Variants in SDHA observed in about 807,000 individuals in gnomAD.
SDHA encodes succinate dehydrogenase complex flavoprotein subunit A.
A neutral mutation model predicts 78.4 loss-of-function variants in SDHA; 48 were observed. The observed-to-expected ratio is 0.61, with a 90% CI of 0.49 to 0.78. The LOEUF (loss-of-function observed/expected upper bound fraction) is 0.78, where lower values mean the gene tolerates loss of function less well. Ranked by LOEUF, SDHA falls within the 30% of genes least tolerant of loss-of-function variation. The pLI is 0.00. For missense variants in SDHA, 680 were observed against 892.7 expected (o/e 0.76, Z 3.04); for synonymous variants, 326 against 353.9 (o/e 0.92, Z 0.88).
At position 247,555 on chromosome 5, in the gene SDHA, A is replaced by G. The variant is rs565831451; in HGVS notation, c.1552-3437A>G. ...ATTATCCAGCGATGCCCAACTTGCC[A>G]AATGGTACATTCCTCATCTTTTACA... On this transcript the variant is annotated intron_variant, in intron 11 of 14. Coordinates refer to ENST00000264932, the MANE Select transcript of SDHA (RefSeq NM_004168.4). Among the ~76,000 whole-genome samples the G allele has an allele frequency of 7.9e-4, 121 of 152,376 alleles. 1 individual carries two copies. Among genetic ancestry groups the G allele is most frequent in the Admixed American group, 7.1e-3 (109 of 15,308 alleles).
chr5:260,652 CGT>C (rs1737447588), downstream of SDHA, among the ~76,000 whole-genome samples: 3 of 14,188 alleles, frequency 2.1e-4, no homozygotes, highest in Non-Finnish European at 2.7e-4. Context: ...CTCCGCCTCC[CGT>C]CAGAGCATTA....
the SDHA span, among the ~76,000 whole-genome samples, chr5:264,973 C>T: frequency 0.23 from 35,031 of 150,364 alleles, 5,851 homozygotes; most frequent in African/African-American, 0.51. Flanking sequence ...TTTGGGAGGC[C>T]GAGGTGGACA....
chr5:249,215 CTG>C (rs2126627592), intron 11 of SDHA: 1 of 341,520 alleles, frequency 2.9e-6, no homozygotes, highest in African/African-American at 2.3e-5. Context: ...TGCTTTTAAT[CTG>C]TGTTATTTGT....
rs1553998613 is a variant in SDHA at position 230,889 on chromosome 5, AC to A, written c.786del (p.Tyr263ThrfsTer17). On this transcript the variant is annotated frameshift_variant, in exon 7 of 15. Transcript: ENST00000264932. LOFTEE classifies it high-confidence loss of function. ...TVVATGGYGR[T>X]YFSCTSAHTS... The stretch of plus-strand genomic sequence containing the variant: ...TATTGTTTCCAGAGGCTACGGGCGC[AC>A]CTACTTCAGCTGCACGTCTGCCCAC... 6.2e-7 allele frequency: 1 copy of A among 1,613,986 alleles called. No individual in the cohort carries two copies. The highest frequency in any genetic ancestry group is 1.1e-5 in the South Asian group (1 of 91,072).
the SDHA span, among the ~76,000 whole-genome samples, chr5:264,518 T>C: frequency 2.2e-5 from 3 of 136,770 alleles, no homozygotes; most frequent in African/African-American, 1.1e-4. Flanking sequence ...GGATGGTCAA[T>C]TCCGGGCACC....
intron 3 of SDHA, chr5:224,811 T>C (rs1251510346): frequency 6.5e-6 from 3 of 458,784 alleles, no homozygotes; most frequent in African/African-American, 6.0e-5. Context: ...CCCAACACCT[T>C]AAGAAAAGGA....
Position 235,133 on chromosome 5 carries a change from T to C in SDHA, c.1065-11T>C. ...TTCTCTGCCGTATGTGATGGTGTTC[T>C]GTCTTACCAGAGGCTGTGGCCCTGA... On this transcript the variant is annotated splice_polypyrimidine_tract_variant and intron_variant, in intron 8 of 14. Coordinates refer to ENST00000264932, the MANE Select transcript of SDHA (RefSeq NM_004168.4). 6.2e-7 allele frequency: 1 copy of C among 1,613,652 alleles called. No homozygotes were observed. The highest frequency in any genetic ancestry group is 8.5e-7 in the Non-Finnish European group (1 of 1,179,528).
chr5:232,275 A>G (rs972591218), intron 7 of SDHA, among the ~76,000 whole-genome samples: 3 of 152,058 alleles, frequency 2.0e-5, no homozygotes, highest in Non-Finnish European at 2.9e-5. Flanking sequence ...CAGTGGAGCA[A>G]TCTTGACTCA....
At chr5:225,604 T>C in intron 4 of SDHA, 42 bp downstream of exon 4, 1 of 1,613,538 alleles carries the variant, frequency 6.2e-7, no homozygotes, top group Non-Finnish European at 8.5e-7. Context: ...GGTCTGTTTC[T>C]AGTACAAAAG....
chr5:237,257 T>C (rs1445767558), intron 10 of SDHA, among the ~76,000 whole-genome samples: 3 of 135,532 alleles, frequency 2.2e-5, no homozygotes, highest in Non-Finnish European at 4.5e-5. Flanking sequence ...ATGAAATATT[T>C]TAAGTAGTTG....
intron 11 of SDHA, among the ~76,000 whole-genome samples, chr5:247,952 A>G (rs1736566975): frequency 6.6e-6 from 1 of 152,140 alleles, no homozygotes; most frequent in Non-Finnish European, 1.5e-5. Context: ...AAAAGGGGGA[A>G]AACAGGGACT....
chr5:253,788 G>A (rs1579443829), intron 13 of SDHA, among the ~76,000 whole-genome samples: 1 of 152,088 alleles, frequency 6.6e-6, no homozygotes, highest in African/African-American at 2.4e-5. Context: ...GAAGCCAGGT[G>A]CAGTGCCTCA....
chr5:262,324 G>T, the SDHA span, among the ~76,000 whole-genome samples: 1,203 of 92,072 alleles, frequency 0.013, 138 homozygotes, highest in African/African-American at 0.047. Context: ...TCCCGTCAGA[G>T]CATTACCGTG....
chr5:224,017 G>A (rs971875888), intron 2 of SDHA, among the ~76,000 whole-genome samples: 1 of 152,140 alleles, frequency 6.6e-6, no homozygotes, highest in African/African-American at 2.4e-5. Context: ...GAAACTTGCT[G>A]AGAAGTTGTT....
chr5:237,646 G>A lies in SDHA; in HGVS notation c.1432+1047G>A, dbSNP rs866820205. On this transcript the variant is annotated intron_variant, in intron 10 of 14. Transcript: ENST00000264932. ...GGGACCCCAGGCCCATGTTCTTCCC[G>A]TTACCTTTCTCTGGTGTTAACTGTT... 3.7e-4 allele frequency among the ~76,000 whole-genome samples: 50 copies of A among 133,790 alleles called. 7 individuals are homozygous for A. Among genetic ancestry groups the A allele is most frequent in the African/African-American group, 1.4e-3 (38 of 27,566 alleles). 87.8% of individuals were successfully genotyped at this position (133,790 alleles called of 152,430 possible).
At chr5:231,099 A>G in intron 7 of SDHA, 99 bp downstream of exon 7, 2 of 1,418,496 alleles carry the variant, frequency 1.4e-6, no homozygotes, top group Non-Finnish European at 2.0e-6. Flanking sequence ...ATGTAATAAC[A>G]TGGTTTTGAA....
At chr5:244,506 G>A (rs935738215) in intron 11 of SDHA, among the ~76,000 whole-genome samples, 4 of 151,966 alleles carry the variant, frequency 2.6e-5, no homozygotes, top group Non-Finnish European at 5.9e-5. Context: ...AAAAGGATAT[G>A]GAAGCACAGA....
chr5:253,690 C>A (rs1297717988), intron 13 of SDHA, among the ~76,000 whole-genome samples: 1 of 152,204 alleles, frequency 6.6e-6, no homozygotes, highest in Non-Finnish European at 1.5e-5. Flanking sequence ...CCACCTCGGC[C>A]TCCCAAAGTG....
chr5:235,327 C>T lies in SDHA; in HGVS notation c.1248C>T (p.Asn416=), dbSNP rs1280816822. ...VHYNMGGIPT[N]YKGQVLRHVN... is the part of the protein sequence containing the mutation. ...ATAACATGGGCGGCATTCCCACCAA[C>T]TACAAGGGGCAGGTGATGGTGCTGG... is the stretch of plus-strand genomic sequence containing the variant. The change falls in exon 9 of 15, where the codon AAC becomes AAT. Residue 416 remains asparagine, a synonymous_variant. Coordinates refer to ENST00000264932, the MANE Select transcript of SDHA (RefSeq NM_004168.4). 1 of 1,614,212 alleles carries T rather than the reference C, an allele frequency of 6.2e-7. No individual in the cohort carries two copies. Among genetic ancestry groups the T allele is most frequent in the South Asian group, 1.1e-5 (1 of 91,084 alleles).
Sources: gnomAD v4.1 joint callset for allele counts (sites outside exome capture counted in the v4.1 genomes callset) on GRCh38, gnomAD v4.1.1 for gene constraint, MANE v1.5 for transcripts, NCBI Gene and HGNC (gene_info 2026-07-23, HGNC 2026-07-21) for gene names.